CDH8: variants seen among roughly 807,000 people sequenced by gnomAD.
The protein encoded by CDH8 is cadherin-8.
In CDH8, 17 loss-of-function variants were observed where a neutral mutation model predicts 68.1. That is an observed-to-expected ratio of 0.25 (90% CI 0.17 to 0.37). The LOEUF (loss-of-function observed/expected upper bound fraction) is 0.37. Ranked by LOEUF, CDH8 falls within the 10% of genes least tolerant of loss-of-function variation. The pLI is 1.00. For synonymous variants in CDH8, 372 were observed against 365.1 expected, an observed-to-expected ratio of 1.02 and a Z score of -0.21; for missense variants, 763 against 999.3, an observed-to-expected ratio of 0.76 and a Z score of 3.19.
chr16:61,721,018 AAACT>A (rs147687565), intron 9 of CDH8, among the ~76,000 whole-genome samples: 4,778 of 150,718 alleles, frequency 0.032, 338 homozygotes, highest in East Asian at 0.24. Context: ...TTTAGGGTTT[AAACT>A]AACAGAGATT....
intron 8 of CDH8, among the ~76,000 whole-genome samples, chr16:61,789,056 T>C (rs911084294): frequency 1.3e-5 from 2 of 152,112 alleles, no homozygotes; most frequent in African/African-American, 2.4e-5. Flanking sequence ...TAACCTACTG[T>C]TTTATACTAA....
chr16:61,966,846 T>G (rs1007331672), intron 2 of CDH8, among the ~76,000 whole-genome samples: 2 of 152,202 alleles, frequency 1.3e-5, no homozygotes, highest in South Asian at 2.1e-4. Context: ...AACCTTTACA[T>G]GCATTAACTC....
intron 4 of CDH8, among the ~76,000 whole-genome samples, chr16:61,832,330 TAATAGATAGATA>T (rs1163748070): frequency 3.1e-5 from 4 of 128,842 alleles, no homozygotes; most frequent in Non-Finnish European, 6.7e-5. Flanking sequence ...GACAGATAGA[TAATAGATAGATA>T]GATAGATAGA....
chr16:61,768,808 T>C (rs1392837177), intron 8 of CDH8, among the ~76,000 whole-genome samples: 3 of 151,806 alleles, frequency 2.0e-5, no homozygotes, highest in East Asian at 1.9e-4. Flanking sequence ...ATTCAAGATA[T>C]ATTAACAGTA....
chr16:61,662,999 T>C (rs1019722334), intron 10 of CDH8, among the ~76,000 whole-genome samples: 16 of 152,058 alleles, frequency 1.1e-4, no homozygotes, highest in African/African-American at 3.1e-4. Flanking sequence ...TTATTCTTCA[T>C]ACCCAGTTGT....
chr16:62,014,650 C>T (rs1901893514), intron 2 of CDH8, among the ~76,000 whole-genome samples: 1 of 152,066 alleles, frequency 6.6e-6, no homozygotes, highest in African/African-American at 2.4e-5. Flanking sequence ...ATACTAAGCA[C>T]CACCCAAATG....
chr16:61,846,678 A>C (rs544159496), intron 4 of CDH8, among the ~76,000 whole-genome samples: 36 of 152,236 alleles, frequency 2.4e-4, no homozygotes, highest in African/African-American at 7.5e-4. Context: ...ATTTCCTTAC[A>C]TGAAAAGTAA....
rs188746532 is a variant in CDH8 at position 61,962,393 on chromosome 16, G to A, written c.252+58759C>T. 6.5e-4 allele frequency among the ~76,000 whole-genome samples: 99 copies of A among 152,256 alleles called. 1 individual carries two copies. The highest frequency in any genetic ancestry group is 5.4e-3 in the Admixed American group (83 of 15,280). On this transcript the variant is annotated intron_variant, in intron 2 of 11. Coordinates refer to ENST00000577390, the MANE Select transcript of CDH8 (RefSeq NM_001796.5). ...GTGGGGCAGGAAGATATAATTACCT[G>A]AGGGTGTGACCTTTGTATTACCGGA...
intron 7 of CDH8, among the ~76,000 whole-genome samples, chr16:61,800,807 G>A (rs1961606610): frequency 1.5e-5 from 2 of 130,514 alleles, no homozygotes; most frequent in Non-Finnish European, 3.2e-5. Context: ...GCAACATTAA[G>A]TCAAATCTGA....
At chr16:61,698,426 T>A (rs1964366550) in intron 10 of CDH8, among the ~76,000 whole-genome samples, 1 of 152,182 alleles carries the variant, frequency 6.6e-6, no homozygotes, top group Admixed American at 6.5e-5. Context: ...GAGTCTTTTA[T>A]GTATTAGAAG....
chr16:61,963,414 A>G (rs117471525), intron 2 of CDH8, among the ~76,000 whole-genome samples: 100 of 152,334 alleles, frequency 6.6e-4, no homozygotes, highest in Non-Finnish European at 9.6e-4. Flanking sequence ...ACTTTATATC[A>G]CCATTGTAAC....
At chr16:61,904,731 T>C (rs969416001) in intron 2 of CDH8, among the ~76,000 whole-genome samples, 5 of 152,232 alleles carry the variant, frequency 3.3e-5, no homozygotes, top group Non-Finnish European at 7.3e-5. Context: ...ATGTAATCAT[T>C]TCCTTTTTAG....
intron 3 of CDH8, among the ~76,000 whole-genome samples, chr16:61,874,018 T>G (rs1034129196): frequency 6.6e-6 from 1 of 152,004 alleles, no homozygotes; most frequent in Non-Finnish European, 1.5e-5. Flanking sequence ...ATCACACCAT[T>G]GCTCTCCAGC....
At chr16:61,905,723 A>C (rs1277205234) in intron 2 of CDH8, among the ~76,000 whole-genome samples, 1 of 152,046 alleles carries the variant, frequency 6.6e-6, no homozygotes. Flanking sequence ...GCATACAGAA[A>C]TTTTACTTAA....
intron 2 of CDH8, among the ~76,000 whole-genome samples, chr16:61,925,788 C>A (rs1397339246): frequency 6.6e-6 from 1 of 152,102 alleles, no homozygotes; most frequent in Non-Finnish European, 1.5e-5. Context: ...CCACTTACTC[C>A]ATAAATGTTT....
chr16:61,748,568 T>C (rs1422274231), intron 8 of CDH8, among the ~76,000 whole-genome samples: 1 of 151,406 alleles, frequency 6.6e-6, no homozygotes, highest in Admixed American at 6.6e-5. Flanking sequence ...CGAATAAAAA[T>C]AAAACTAGGT....
At chr16:61,768,470 A>T (rs1960694255) in intron 8 of CDH8, among the ~76,000 whole-genome samples, 1 of 134,764 alleles carries the variant, frequency 7.4e-6, no homozygotes, top group Non-Finnish European at 1.6e-5. Context: ...GAATTTCCCC[A>T]GTTTCTATCT....
At chr16:62,002,794 C>T (rs981610949) in intron 2 of CDH8, among the ~76,000 whole-genome samples, 4 of 152,196 alleles carry the variant, frequency 2.6e-5, no homozygotes, top group African/African-American at 7.2e-5. Context: ...TGGCTCACGC[C>T]TGTAATCCCA....
intron 10 of CDH8, among the ~76,000 whole-genome samples, chr16:61,675,343 G>C (rs573445686): frequency 1.3e-5 from 2 of 149,964 alleles, no homozygotes; most frequent in South Asian, 4.2e-4. Context: ...GTAAAATATC[G>C]CAAGAACAAA....
Sources: gnomAD v4.1 joint callset for allele counts (sites outside exome capture counted in the v4.1 genomes callset) on GRCh38, gnomAD v4.1.1 for gene constraint, MANE v1.5 for transcripts, NCBI Gene and HGNC (gene_info 2026-07-23, HGNC 2026-07-21) for gene names.